The following LYPLAL1 variants were observed in gnomAD, a reference collection of about 807,000 sequenced individuals.
The protein encoded by LYPLAL1 is lysophospholipase like 1.
In LYPLAL1, 23 loss-of-function variants were observed where a neutral mutation model predicts 19.7. That is an observed-to-expected ratio of 1.17 (90% confidence interval 0.84 to 1.65). The LOEUF (loss-of-function observed/expected upper bound fraction) is 1.65. Among genes scored for constraint, LYPLAL1 ranks in the 40% most tolerant of loss-of-function variants. The probability of loss-of-function intolerance (pLI) is 0.00; values close to 1 mark genes in which losing one functional copy is unlikely to be tolerated. For synonymous variants in LYPLAL1, 119 were observed against 96.3 expected (o/e 1.24, Z -1.38); for missense variants, 355 against 279.4 (o/e 1.27, Z -1.93).
intron 2 of LYPLAL1, among the ~76,000 whole-genome samples, chr1:219,184,948 G>T (rs932043566): frequency 4.0e-5 from 6 of 151,666 alleles, no homozygotes; most frequent in Non-Finnish European, 8.9e-5. Flanking sequence ...TAAAAGCATT[G>T]GGAAGGATTC....
At chr1:219,306,454 G>A in the LYPLAL1 span, among the ~76,000 whole-genome samples, 1 of 152,182 alleles carries the variant, frequency 6.6e-6, no homozygotes, top group African/African-American at 2.4e-5. Context: ...ATTTGGGTGG[G>A]TGTCATCCAA....
At chr1:219,354,944 G>A in the LYPLAL1 span, among the ~76,000 whole-genome samples, 1 of 152,088 alleles carries the variant, frequency 6.6e-6, no homozygotes, top group East Asian at 1.9e-4. Context: ...TTAAACATAA[G>A]CAGAAATAAA....
At chr1:219,270,584 G>A in the LYPLAL1 span, among the ~76,000 whole-genome samples, 4 of 152,164 alleles carry the variant, frequency 2.6e-5, no homozygotes, top group East Asian at 1.9e-4. Flanking sequence ...GTTTTCTACC[G>A]TACATATGGT....
chr1:219,366,392 T>C, the LYPLAL1 span, among the ~76,000 whole-genome samples: 1 of 152,188 alleles, frequency 6.6e-6, no homozygotes, highest in South Asian at 2.1e-4. Context: ...ACATTTATTA[T>C]TTTTCACTGG....
chr1:219,334,525 G>GT, the LYPLAL1 span, among the ~76,000 whole-genome samples: 239 of 69,338 alleles, frequency 3.4e-3, 1 homozygote, highest in African/African-American at 0.011. Flanking sequence ...TAATGAAGAG[G>GT]GGTGTGTGTG....
chr1:219,318,336 T>C, the LYPLAL1 span, among the ~76,000 whole-genome samples: 2 of 152,048 alleles, frequency 1.3e-5, no homozygotes, highest in African/African-American at 4.8e-5. Context: ...AAGACTGAAA[T>C]ATCCCCTTAG....
the LYPLAL1 span, among the ~76,000 whole-genome samples, chr1:219,255,566 C>A: frequency 6.6e-6 from 1 of 151,742 alleles, no homozygotes; most frequent in African/African-American, 2.4e-5. Flanking sequence ...TTATTTCTTC[C>A]TCTCCAATTC....
the LYPLAL1 span, among the ~76,000 whole-genome samples, chr1:219,225,651 C>T: frequency 5.1e-4 from 78 of 152,244 alleles, no homozygotes; most frequent in African/African-American, 1.8e-3. Context: ...TATTTATTTC[C>T]CATGTGCCCT....
At chr1:219,212,954 C>G (rs146096643), downstream of LYPLAL1, 11 of 152,100 alleles carry the variant, frequency 7.2e-5, no homozygotes, top group African/African-American at 2.6e-4. Context: ...TATAACCTTC[C>G]AAGAAATAGC....
chr1:219,303,655 C>A, the LYPLAL1 span, among the ~76,000 whole-genome samples: 3 of 152,192 alleles, frequency 2.0e-5, no homozygotes, highest in Admixed American at 6.5e-5. Flanking sequence ...CAAGTGAAAT[C>A]TCATAGGGAA....
At chr1:219,438,671 A>T in the LYPLAL1 span, among the ~76,000 whole-genome samples, 17 of 152,182 alleles carry the variant, frequency 1.1e-4, no homozygotes, top group Non-Finnish European at 2.5e-4. Flanking sequence ...TGGCAAACAG[A>T]TAAATTAGAG....
the LYPLAL1 span, among the ~76,000 whole-genome samples, chr1:219,336,506 G>C: frequency 3.9e-4 from 59 of 151,978 alleles, no homozygotes; most frequent in African/African-American, 1.3e-3. Flanking sequence ...TACTAGCAGT[G>C]ATACCAATAC....
rs936170589 is a variant in LYPLAL1 at position 219,211,694 on chromosome 1, C to G, written c.680C>G (p.Thr227Arg). 6.2e-7 allele frequency: 1 copy of G among 1,609,488 alleles called. No individual in the cohort carries two copies. The change falls in exon 5 of 5, where the codon ACA becomes AGA. Residue 227 changes from threonine to arginine, a missense_variant. Transcript: ENST00000366928. ...GACATATTGAAGTTATGGATTCTTA[C>G]AAAGCTGCCAGGAGAAATGGAAAAA... ...ELDILKLWILTKLPGEMEKQK is the reference protein window; with the variant it reads ...ELDILKLWILRKLPGEMEKQK
chr1:219,275,474 G>A, the LYPLAL1 span, among the ~76,000 whole-genome samples: 1 of 142,742 alleles, frequency 7.0e-6, no homozygotes, highest in African/African-American at 2.5e-5. Flanking sequence ...ACAATAGACT[G>A]TATTATATTA....
At chr1:219,326,166 G>A in the LYPLAL1 span, among the ~76,000 whole-genome samples, 3 of 151,936 alleles carry the variant, frequency 2.0e-5, no homozygotes, top group African/African-American at 7.3e-5. Context: ...CGCCTGCCTC[G>A]GCCTCTCAAA....
chr1:219,229,239 GTGTGGTCCCTGACT>G, the LYPLAL1 span, among the ~76,000 whole-genome samples: 3 of 151,092 alleles, frequency 2.0e-5, no homozygotes, highest in African/African-American at 7.3e-5. Flanking sequence ...GCGGGGAAGG[GTGTGGTCCCTGACT>G]AGGGCTGAAC....
chr1:219,371,709 G>A, the LYPLAL1 span, among the ~76,000 whole-genome samples: 10 of 152,262 alleles, frequency 6.6e-5, no homozygotes, highest in Non-Finnish European at 1.5e-4. Flanking sequence ...CAAACGCCAA[G>A]CTGTAACCAA....
the LYPLAL1 span, among the ~76,000 whole-genome samples, chr1:219,404,580 T>C: frequency 6.6e-6 from 1 of 152,042 alleles, no homozygotes; most frequent in South Asian, 2.1e-4. Context: ...ATAATATAAA[T>C]ATAGGGCCCT....
the LYPLAL1 span, among the ~76,000 whole-genome samples, chr1:219,250,517 CAT>C: frequency 1.4e-4 from 22 of 151,988 alleles, no homozygotes; most frequent in East Asian, 5.8e-4. Context: ...CATAGGTAAA[CAT>C]GTGTCATGGG....
Sources: allele counts gnomAD v4.1 joint callset (sites outside exome capture counted in the v4.1 genomes callset), GRCh38; gene constraint gnomAD v4.1.1; transcripts MANE v1.5; gene names NCBI Gene and HGNC (gene_info 2026-07-23, HGNC 2026-07-21).